SYNE1: variants seen among roughly 807,000 people sequenced by gnomAD.
The protein encoded by SYNE1 is spectrin repeat containing nuclear envelope protein 1.
Under a neutral mutation model 1,111.0 loss-of-function variants are expected in SYNE1, and 616 were observed. The ratio of observed to expected loss-of-function variants is 0.55; its 90% confidence interval spans 0.52 to 0.59. The LOEUF (loss-of-function observed/expected upper bound fraction) is 0.59. SYNE1 is among the 20% of genes least tolerant of loss of function. The pLI, the probability that SYNE1 is intolerant of heterozygous loss-of-function variation, is 0.00. For synonymous variants in SYNE1, 3,855 were observed against 3,825.8 expected (o/e 1.01, Z -0.28); for missense variants, 10,006 against 10,417.0 (o/e 0.96, Z 1.72).
intron 14 of SYNE1, among the ~76,000 whole-genome samples, chr6:152,480,142 C>T (rs2098877764): frequency 6.6e-6 from 1 of 152,122 alleles, no homozygotes; most frequent in Non-Finnish European, 1.5e-5. Context: ...CAAGTGAGCC[C>T]AATATACCAG....
At chr6:152,492,137 G>T (rs2098973840) in intron 11 of SYNE1, among the ~76,000 whole-genome samples, 1 of 152,182 alleles carries the variant, frequency 6.6e-6, no homozygotes, top group Non-Finnish European at 1.5e-5. Context: ...TTCATGGCCT[G>T]TTTGGCAACA....
intron 28 of SYNE1, among the ~76,000 whole-genome samples, 177 bp from the exon 29 acceptor site, chr6:152,447,799 A>C (rs1189449429): frequency 6.6e-6 from 1 of 152,246 alleles, no homozygotes; most frequent in Non-Finnish European, 1.5e-5. Flanking sequence ...AAAAGTCCAC[A>C]AGTGCTTGAA....
At chr6:152,316,714 G>C in intron 87 of SYNE1, 135 bp downstream of exon 87, 1 of 927,772 alleles carries the variant, frequency 1.1e-6, no homozygotes, top group Admixed American at 2.1e-5. Context: ...GAACAACTTA[G>C]GGGTACCTTA....
chr6:152,245,040 T>A (rs1391338437), intron 105 of SYNE1, among the ~76,000 whole-genome samples: 1 of 152,226 alleles, frequency 6.6e-6, no homozygotes, highest in Non-Finnish European at 1.5e-5. Context: ...TGTTCTGCTG[T>A]CCTTGAAACG....
chr6:152,318,362 A>T (rs2095788297), intron 85 of SYNE1, 99 bp from the exon 86 acceptor site: 2 of 1,245,570 alleles, frequency 1.6e-6, no homozygotes, highest in Admixed American at 3.9e-5. Flanking sequence ...CAAATATTAT[A>T]ATGAATAATT....
chr6:152,366,122 C>T (rs1050977877), intron 62 of SYNE1, among the ~76,000 whole-genome samples: 2 of 152,102 alleles, frequency 1.3e-5, no homozygotes, highest in Non-Finnish European at 1.5e-5. Context: ...CACCTGAGGT[C>T]GGGAGTTCGA....
At position 152,323,488 on chromosome 6, in the gene SYNE1, G is replaced by T. The variant is rs149215868; in HGVS notation, c.15907C>A (p.Arg5303=). 6.2e-7 allele frequency: 1 copy of T among 1,613,780 alleles called. No homozygotes were observed. The highest frequency in any genetic ancestry group is 8.5e-7 in the Non-Finnish European group (1 of 1,180,024). Residue 5303 remains arginine, a synonymous_variant, in exon 82 of 146, where the codon CGG becomes AGG. Coordinates refer to ENST00000367255, the MANE Select transcript of SYNE1 (RefSeq NM_182961.4). ...LMQEITAMQD[R]CLNMQEKVKT... The stretch of plus-strand genomic sequence containing the variant: ...TAGGTGCTTAATTACTTCAGGCACC[G>T]ATCTTGCATGGCGGTGATTTCCTGC...
intron 3 of SYNE1, among the ~76,000 whole-genome samples, chr6:152,589,280 T>C (rs1395039254): frequency 1.3e-5 from 2 of 152,206 alleles, no homozygotes; most frequent in African/African-American, 4.8e-5. Flanking sequence ...GATTATGTAA[T>C]CATGAAATAT....
At chr6:152,346,688 T>G (rs1271965805) in intron 73 of SYNE1, among the ~76,000 whole-genome samples, 1 of 151,910 alleles carries the variant, frequency 6.6e-6, no homozygotes, top group Non-Finnish European at 1.5e-5. Context: ...CGGGCGCCTG[T>G]AGTCCCAGCT....
chr6:152,581,442 A>G (rs546176764), intron 3 of SYNE1, among the ~76,000 whole-genome samples: 5 of 152,240 alleles, frequency 3.3e-5, no homozygotes, highest in Non-Finnish European at 7.3e-5. Flanking sequence ...TTTACTAAGT[A>G]GCCACTGCAT....
At chr6:152,196,835 T>C (rs2153310034) in intron 127 of SYNE1, among the ~76,000 whole-genome samples, 1 of 152,118 alleles carries the variant, frequency 6.6e-6, no homozygotes, top group East Asian at 1.9e-4. Context: ...AGCCCAGTAC[T>C]GCACTAGGAC....
intron 59 of SYNE1, 24 bp from the exon 60 acceptor site, chr6:152,369,638 A>G (rs1261516808): frequency 6.2e-7 from 1 of 1,613,908 alleles, no homozygotes; most frequent in South Asian, 1.1e-5. Context: ...GATAGTGTCC[A>G]GGACAAGAAA....
intron 127 of SYNE1, 77 bp from the exon 128 acceptor site, chr6:152,189,484 TG>T: frequency 2.1e-6 from 3 of 1,442,110 alleles, no homozygotes; most frequent in Non-Finnish European, 2.9e-6. Context: ...AATCCCCTCT[TG>T]ATAGAATTTC....
chr6:152,153,375 G>A (rs2060791641), intron 133 of SYNE1, among the ~76,000 whole-genome samples: 1 of 152,112 alleles, frequency 6.6e-6, no homozygotes, highest in South Asian at 2.1e-4. Context: ...ACGTTCATGC[G>A]ATTGGACCAG....
chr6:152,152,513 G>A (rs978137118), intron 133 of SYNE1, among the ~76,000 whole-genome samples: 12 of 152,152 alleles, frequency 7.9e-5, no homozygotes, highest in East Asian at 5.8e-4. Context: ...AAATATACAC[G>A]TGTGTGTGGA....
chr6:152,140,416 G>A (rs942522161), intron 139 of SYNE1, among the ~76,000 whole-genome samples: 3 of 152,164 alleles, frequency 2.0e-5, no homozygotes, highest in Non-Finnish European at 2.9e-5. Flanking sequence ...AGAGCTTTAC[G>A]AAGTAATAAG....
intron 6 of SYNE1, chr6:152,511,517 G>C: frequency 6.5e-7 from 1 of 1,533,798 alleles, no homozygotes; most frequent in South Asian, 1.1e-5. Flanking sequence ...GGTAACTTAT[G>C]TTCCCTTTTA....
At chr6:152,358,273 G>T in intron 66 of SYNE1, 100 bp downstream of exon 66, 1 of 1,500,410 alleles carries the variant, frequency 6.7e-7, no homozygotes. Flanking sequence ...GTATCAACTA[G>T]CCACTGGACT....
intron 39 of SYNE1, among the ~76,000 whole-genome samples, chr6:152,421,558 T>A (rs2098260147): frequency 6.6e-6 from 1 of 152,114 alleles, no homozygotes; most frequent in Non-Finnish European, 1.5e-5. Flanking sequence ...CTAACTTTGT[T>A]CATTGTTTTT....
Sources: allele counts gnomAD v4.1 joint callset (sites outside exome capture counted in the v4.1 genomes callset), GRCh38; gene constraint gnomAD v4.1.1; transcripts MANE v1.5; gene names NCBI Gene and HGNC (gene_info 2026-07-23, HGNC 2026-07-21).